Variants in STPG2 observed in about 807,000 individuals in gnomAD.
STPG2 encodes the protein sperm-tail PG-rich repeat-containing protein 2.
Under a neutral mutation model 54.2 loss-of-function variants are expected in STPG2, and 56 were observed. The ratio of observed to expected loss-of-function variants is 1.03; its 90% CI spans 0.83 to 1.29. The LOEUF (loss-of-function observed/expected upper bound fraction) is 1.29. STPG2 is among the 50% of genes most tolerant of loss of function. STPG2 has a pLI of 0.00. For synonymous variants in STPG2, 200 were observed against 181.8 expected (o/e 1.10, Z -0.81); for missense variants, 596 against 544.9 (o/e 1.09, Z -0.93).
At chr4:97,664,412 T>G (rs12186262) in intron 10 of STPG2, among the ~76,000 whole-genome samples, 5,033 of 152,306 alleles carry the variant, frequency 0.033, 165 homozygotes, top group Middle Eastern at 0.099. Context: ...CTTCACGTAC[T>G]TTCTCATTTT....
chr4:97,828,912 G>C (rs1728348867), intron 9 of STPG2, among the ~76,000 whole-genome samples: 1 of 152,162 alleles, frequency 6.6e-6, no homozygotes. Flanking sequence ...CCCTGGGACA[G>C]AGCAGCTGGG....
intron 7 of STPG2, 91 bp downstream of exon 7, chr4:97,972,189 C>A (rs1048108206): frequency 1.4e-5 from 12 of 870,050 alleles, no homozygotes; most frequent in Non-Finnish European, 2.0e-5. Context: ...ATTTGACATC[C>A]TTTTCTATTA....
intron 5 of STPG2, among the ~76,000 whole-genome samples, chr4:98,004,271 A>G (rs1342942558): frequency 6.6e-6 from 1 of 152,160 alleles, no homozygotes; most frequent in Non-Finnish European, 1.5e-5. Context: ...TTCACTTAGC[A>G]TAATGTCCTC....
chr4:97,533,070 A>T (rs1578367669), intron 4 of STPG2, among the ~76,000 whole-genome samples: 1 of 152,102 alleles, frequency 6.6e-6, no homozygotes, highest in East Asian at 1.9e-4. Context: ...TTTGGTAGAG[A>T]TGGGGTTTCA....
rs1332417523 is a variant in STPG2 at position 97,757,656 on chromosome 4, C to T, written c.1205-44842G>A. On this transcript the variant is annotated intron_variant, in intron 9 of 10. Coordinates refer to ENST00000295268, the MANE Select transcript of STPG2 (RefSeq NM_174952.3). ...CCTCTAATATACAAATACACTAAAACCTCCACTAGCTCAAAAATATCAAGT... is the reference window on the plus strand; with the variant it reads ...CCTCTAATATACAAATACACTAAAATCTCCACTAGCTCAAAAATATCAAGT... 2.0e-5 allele frequency among the ~76,000 whole-genome samples: 3 copies of T among 152,172 alleles called. No homozygotes were observed. The East Asian group carries it at 5.8e-4, about 29-fold the overall frequency.
At chr4:97,459,016 A>G (rs1285075413) in intron 4 of STPG2, among the ~76,000 whole-genome samples, 1 of 152,180 alleles carries the variant, frequency 6.6e-6, no homozygotes, top group Non-Finnish European at 1.5e-5. Flanking sequence ...TTTTATGGTT[A>G]CAGAGGAAAA....
chr4:98,010,428 T>C (rs746065994), intron 5 of STPG2, among the ~76,000 whole-genome samples: 11 of 152,166 alleles, frequency 7.2e-5, no homozygotes, highest in Non-Finnish European at 7.4e-5. Flanking sequence ...TTGCCTGATA[T>C]AAAGAGAGGC....
chr4:97,720,097 G>C (rs1340589538), intron 9 of STPG2, among the ~76,000 whole-genome samples: 1 of 151,900 alleles, frequency 6.6e-6, no homozygotes, highest in African/African-American at 2.4e-5. Flanking sequence ...AACTGAAGAG[G>C]CAATGCTTGC....
At chr4:97,713,472 A>G (rs1724195442) in intron 9 of STPG2, among the ~76,000 whole-genome samples, 2 of 152,254 alleles carry the variant, frequency 1.3e-5, no homozygotes, top group Non-Finnish European at 2.9e-5. Flanking sequence ...AAAACTTTTG[A>G]GAACCACTTT....
intron 9 of STPG2, among the ~76,000 whole-genome samples, chr4:97,790,696 C>T (rs1178594558): frequency 2.6e-5 from 4 of 152,164 alleles, no homozygotes; most frequent in Non-Finnish European, 4.4e-5. Context: ...CTTTCCTCTA[C>T]TTCCCTCTTC....
chr4:97,885,233 A>C (rs1173056663), intron 8 of STPG2, among the ~76,000 whole-genome samples: 1 of 152,198 alleles, frequency 6.6e-6, no homozygotes, highest in African/African-American at 2.4e-5. Context: ...GTTGGTGAAG[A>C]TACCAGAACT....
At chr4:97,974,706 G>A (rs1734445895) in intron 6 of STPG2, among the ~76,000 whole-genome samples, 1 of 152,114 alleles carries the variant, frequency 6.6e-6, no homozygotes, top group Non-Finnish European at 1.5e-5. Flanking sequence ...CATGTGAGAT[G>A]TGCCTTTTAT....
chr4:97,686,869 T>A (rs2148984407), intron 10 of STPG2, among the ~76,000 whole-genome samples: 1 of 151,828 alleles, frequency 6.6e-6, no homozygotes, highest in East Asian at 1.9e-4. Flanking sequence ...TTCCCAAGCG[T>A]AAATTTTCAT....
chr4:98,025,211 G>A (rs769274430), intron 5 of STPG2, among the ~76,000 whole-genome samples: 48 of 152,168 alleles, frequency 3.2e-4, no homozygotes, highest in African/African-American at 1.0e-3. Flanking sequence ...ATATCTCCTC[G>A]TAAGGAAAGT....
intron 10 of STPG2, among the ~76,000 whole-genome samples, chr4:97,683,923 C>A (rs1026136785): frequency 5.9e-5 from 9 of 151,828 alleles, no homozygotes; most frequent in Non-Finnish European, 1.2e-4. Context: ...TTGCAGGATA[C>A]AAAACATACA....
At chr4:97,684,805 A>T (rs1366626200) in intron 10 of STPG2, among the ~76,000 whole-genome samples, 2 of 151,966 alleles carry the variant, frequency 1.3e-5, no homozygotes, top group Non-Finnish European at 2.9e-5. Flanking sequence ...GAGAATGAAG[A>T]GACAAGCCAA....
intron 10 of STPG2, among the ~76,000 whole-genome samples, chr4:97,596,131 T>A (rs1024299053): frequency 2.0e-5 from 3 of 152,098 alleles, no homozygotes; most frequent in South Asian, 2.1e-4. Context: ...TAATTTCAGA[T>A]GAAACAGACT....
chr4:97,534,357 C>G (rs1731482229), intron 4 of STPG2, among the ~76,000 whole-genome samples: 1 of 152,164 alleles, frequency 6.6e-6, no homozygotes, highest in South Asian at 2.1e-4. Context: ...TTACCCTATG[C>G]AGACTTACAC....
At chr4:97,568,230 G>T (rs760253172) in intron 10 of STPG2, among the ~76,000 whole-genome samples, 1 of 152,092 alleles carries the variant, frequency 6.6e-6, no homozygotes, top group Non-Finnish European at 1.5e-5. Flanking sequence ...TTAGTAGGTT[G>T]TTTTTTCTTT....
Sources: gnomAD v4.1 joint callset for allele counts (sites outside exome capture counted in the v4.1 genomes callset) on GRCh38, gnomAD v4.1.1 for gene constraint, MANE v1.5 for transcripts, NCBI Gene and HGNC (gene_info 2026-07-23, HGNC 2026-07-21) for gene names.